Variants in NBR1 observed in about 807,000 individuals in gnomAD.
NBR1 encodes the protein next to BRCA1 gene 1 protein.
In NBR1, 59 loss-of-function variants were observed where a neutral mutation model predicts 115.5. That is an observed-to-expected ratio of 0.51 (90% CI 0.41 to 0.63). The LOEUF is 0.63. NBR1 is among the 30% of genes least tolerant of loss of function. The pLI is 0.00. For missense variants in NBR1, 1,043 were observed against 1,150.5 expected (o/e 0.91, Z 1.35); for synonymous variants, 373 against 414.7 (o/e 0.90, Z 1.22).
Position 43,189,656 on chromosome 17 carries a change from C to T in NBR1, c.549C>T (p.Leu183=), listed in dbSNP as rs1597986812. 1 of 1,614,004 alleles carries T rather than the reference C, an allele frequency of 6.2e-7. No individual in the cohort carries two copies. Among genetic ancestry groups the T allele is most frequent in the Non-Finnish European group, 8.5e-7 (1 of 1,179,874 alleles). The change falls in exon 8 of 21, where the codon CTC becomes CTT. Residue 183 remains leucine, a synonymous_variant. Transcript: ENST00000590996. ...LEQKLHEKLV[L]QNPSLGSCPS... ...AGAAATTACATGAAAAGCTTGTCCT[C>T]CAGAACCCATCCTTGGGTTCTTGTC...
chr17:43,189,840 C>T, intron 8 of NBR1, 38 bp downstream of exon 8: 1 of 1,564,092 alleles, frequency 6.4e-7, no homozygotes, highest in Admixed American at 1.7e-5. Flanking sequence ...TAGTGATAGA[C>T]CTTACAGCTT....
intron 14 of NBR1, 69 bp downstream of exon 14, chr17:43,195,108 T>TACCAGTGTCTA: frequency 8.3e-7 from 1 of 1,204,622 alleles, no homozygotes; most frequent in Non-Finnish European, 1.2e-6. Flanking sequence ...GCCTAGACAC[T>TACCAGTGTCTA]GGTAGTGTTT....
intron 15 of NBR1, 102 bp downstream of exon 15, chr17:43,196,693 G>A (rs1158347498): frequency 5.2e-6 from 5 of 964,340 alleles, no homozygotes; most frequent in Admixed American, 5.3e-5. Flanking sequence ...ATGTAAATGG[G>A]CTTGCTTTCT....
rs747453430 is a variant in NBR1 at position 43,202,683 on chromosome 17, C to G, written c.2592C>G (p.Asn864Lys). The G allele has an allele frequency of 6.3e-7, 1 of 1,577,862 alleles. No individual in the cohort carries two copies. Among genetic ancestry groups the G allele is most frequent in the South Asian group, 1.2e-5 (1 of 85,974 alleles). ...GEPRGSSGLVNSRQKSYDHSR... is the reference protein window; with the variant it reads ...GEPRGSSGLVKSRQKSYDHSR... ...CCAGAGGCTCATCAGGACTTGTAAA[C>G]AGCAGACAGAAGAGCTATGACCACT... is the stretch of plus-strand genomic sequence containing the variant. Residue 864 changes from asparagine (N) to lysine (K), a missense_variant, in exon 19 of 21, where the codon AAC becomes AAG. Asn to Lys is a moderately conservative substitution (Grantham distance 94). Transcript: ENST00000590996.
chr17:43,190,093 C>CTTTT (rs34682023), intron 8 of NBR1: 49 of 214,318 alleles, frequency 2.3e-4, no homozygotes, highest in South Asian at 1.0e-3. Flanking sequence ...TTCCAAATGC[C>CTTTT]TTTTTTTTTT....
chr17:43,198,830 G>A (rs2057127056), intron 16 of NBR1, among the ~76,000 whole-genome samples: 3 of 151,126 alleles, frequency 2.0e-5, no homozygotes, highest in African/African-American at 4.9e-5. Flanking sequence ...GTGTGGTGGC[G>A]GGCGCACCTG....
chr17:43,205,730 T>G (rs2057300915), intron 20 of NBR1, among the ~76,000 whole-genome samples: 1 of 151,694 alleles, frequency 6.6e-6, no homozygotes, highest in Non-Finnish European at 1.5e-5. Flanking sequence ...CATAAAAAAT[T>G]AGCTGGGCAT....
chr17:43,201,604 C>G, intron 17 of NBR1, 82 bp from the exon 18 acceptor site: 1 of 805,924 alleles, frequency 1.2e-6, no homozygotes, highest in Non-Finnish European at 2.1e-6. Context: ...GAATTTGGCA[C>G]TGCTGTGCTG....
chr17:43,185,466 G>A (rs908738553), intron 5 of NBR1, among the ~76,000 whole-genome samples: 1 of 152,160 alleles, frequency 6.6e-6, no homozygotes, highest in African/African-American at 2.4e-5. Context: ...TCAGGAGGCT[G>A]AGGTGGGAGG....
At position 43,210,188 on chromosome 17, in the gene NBR1, C is replaced by T. The variant is rs1215270888; in HGVS notation, c.*114C>T. The T allele has an allele frequency of 1.1e-5, 11 of 982,710 alleles. No homozygotes were observed. The African/African-American group carries it at 1.8e-4, about 16-fold the overall frequency. 60.9% of individuals were successfully genotyped at this position (982,710 alleles called of 1,614,324 possible). On this transcript the variant is annotated 3_prime_UTR_variant, in exon 21 of 21. Transcript: ENST00000590996. ...TTTAATCTGATGAATCTGTATAGAG[C>T]CCATCGTTGAGTTACCAAGACAATA...
At chr17:43,182,786 C>G (rs538723374) in intron 5 of NBR1, among the ~76,000 whole-genome samples, 1 of 150,744 alleles carries the variant, frequency 6.6e-6, no homozygotes, top group South Asian at 2.1e-4. Context: ...TTTTTTGCGA[C>G]GGAGTCTCGC....
At position 43,192,020 on chromosome 17, in the gene NBR1, C is replaced by CTTT. The variant is rs34920601; in HGVS notation, c.1073+455_1073+457dup. The stretch of plus-strand genomic sequence containing the variant: ...CAGGCATGAGCCACACAGCACCCGG[C>CTTT]TTTTTTTTTTTTTTTTTTGAGATGG... On this transcript the variant is annotated intron_variant, in intron 10 of 20. Coordinates refer to ENST00000590996, the MANE Select transcript of NBR1 (RefSeq NM_005899.5). Among the ~76,000 whole-genome samples the CTTT allele has an allele frequency of 4.2e-4, 45 of 107,522 alleles. 1 individual carries two copies. The highest frequency in any genetic ancestry group is 8.1e-4 in the African/African-American group (21 of 25,964). 70.5% of individuals were successfully genotyped at this position (107,522 alleles called of 152,430 possible).
In NBR1 at chr17:43,210,331, C is replaced by T. The variant is rs1257474683; in HGVS notation, c.*257C>T. ...TGATTTGGATAAAACTATTTTAGTG[C>T]ATTGACAAGTGTAACTTCAACTTCA... On this transcript the variant is annotated 3_prime_UTR_variant, in exon 21 of 21. Transcript: ENST00000590996. The T allele has an allele frequency of 2.5e-6, 1 of 392,556 alleles. No individual in the cohort carries two copies. The highest frequency in any genetic ancestry group is 3.6e-5 in the East Asian group (1 of 27,502). The allele number at this position is 392,556 out of a possible 1,614,324, so 24.3% of individuals were successfully genotyped here.
At chr17:43,186,740 A>C (rs759729983) in intron 6 of NBR1, among the ~76,000 whole-genome samples, 3 of 151,320 alleles carry the variant, frequency 2.0e-5, no homozygotes, top group Admixed American at 6.6e-5. Context: ...TCATTGTTCA[A>C]CTCCCACATA....
intron 16 of NBR1, among the ~76,000 whole-genome samples, chr17:43,199,058 AGC>A (rs2057134092): frequency 6.6e-6 from 1 of 151,756 alleles, no homozygotes; most frequent in African/African-American, 2.4e-5. Flanking sequence ...AAATGTTCAC[AGC>A]TGTTATTCTG....
At chr17:43,186,003 AAAAT>A (rs57886411) in intron 5 of NBR1, among the ~76,000 whole-genome samples, 14,166 of 147,006 alleles carry the variant, frequency 0.096, 1,564 homozygotes, top group African/African-American at 0.27. Context: ...CTCCGTCTCA[AAAAT>A]AAATAAATAA....
In NBR1 at chr17:43,182,599, C is replaced by CTT. The variant is rs150813372; in HGVS notation, c.207+1791_207+1792dup. ...ACAGCCACTTTTTGGACATGGAATGCTTTTTTTTTTGTTTTTAGTTTCTAA... is the reference window on the plus strand; with the variant it reads ...ACAGCCACTTTTTGGACATGGAATGCTTTTTTTTTTTTGTTTTTAGTTTCTAA... On this transcript the variant is annotated intron_variant, in intron 5 of 20. Transcript: ENST00000590996. Among the ~76,000 whole-genome samples, 59 of 145,434 alleles carry CTT rather than the reference C, an allele frequency of 4.1e-4. 1 individual carries two copies. The highest frequency in any genetic ancestry group is 1.5e-3 in the African/African-American group (57 of 39,272).
In NBR1 at chr17:43,186,306, C is replaced by G. The variant is rs371696191; in HGVS notation, c.264C>G (p.Val88=). The G allele has an allele frequency of 1.9e-6, 3 of 1,589,594 alleles. No homozygotes were observed. Among genetic ancestry groups the G allele is most frequent in the South Asian group, 1.1e-5 (1 of 86,980 alleles). The change falls in exon 6 of 21, where the codon GTC becomes GTG. Residue 88 remains valine (V), a synonymous_variant. Transcript: ENST00000590996. ...LQMQVHEGHH[V]VDEAPPPVVG... ...TGCAAGTCCACGAAGGGCACCATGTCGTTGATGAAGCCCCACCCCCAGTTG... is the reference window on the plus strand; with the variant it reads ...TGCAAGTCCACGAAGGGCACCATGTGGTTGATGAAGCCCCACCCCCAGTTG...
intron 1 of NBR1, among the ~76,000 whole-genome samples, chr17:43,174,563 A>T (rs2056458676): frequency 6.6e-6 from 1 of 152,166 alleles, no homozygotes; most frequent in African/African-American, 2.4e-5. Context: ...GTGCCACTGC[A>T]CTTGAGCCTG....
Sources: allele counts gnomAD v4.1 joint callset (sites outside exome capture counted in the v4.1 genomes callset), GRCh38; gene constraint gnomAD v4.1.1; transcripts MANE v1.5; gene names NCBI Gene and HGNC (gene_info 2026-07-23, HGNC 2026-07-21).